The following MCTP2 variants were observed in gnomAD, a reference collection of about 807,000 sequenced individuals.
MCTP2 encodes the protein multiple C2 and transmembrane domain containing 2.
In MCTP2, 132 loss-of-function variants were observed where a neutral mutation model predicts 111.6. The observed-to-expected ratio is 1.18, with a 90% CI of 1.03 to 1.37. MCTP2 has a LOEUF of 1.37. Among genes scored for constraint, MCTP2 ranks in the 40% most tolerant of loss-of-function variants. The pLI is 0.00. For synonymous variants in MCTP2, 395 were observed against 387.7 expected, an observed-to-expected ratio of 1.02 and a Z score of -0.22; for missense variants, 1,183 against 1,067.9, an observed-to-expected ratio of 1.11 and a Z score of -1.50.
intron 12 of MCTP2, among the ~76,000 whole-genome samples, chr15:94,378,276 C>CT (rs746345180): frequency 4.0e-5 from 6 of 151,870 alleles, no homozygotes; most frequent in Non-Finnish European, 8.8e-5. Flanking sequence ...AATTTCAACA[C>CT]TTTAAGAGGA....
At chr15:94,424,048 G>A (rs1432473691) in intron 17 of MCTP2, among the ~76,000 whole-genome samples, 1 of 152,056 alleles carries the variant, frequency 6.6e-6, no homozygotes, top group Non-Finnish European at 1.5e-5. Context: ...GTCACTCACT[G>A]TCAATTGTGG....
chr15:94,426,406 A>G (rs2082894774), intron 17 of MCTP2, among the ~76,000 whole-genome samples: 1 of 152,032 alleles, frequency 6.6e-6, no homozygotes, highest in African/African-American at 2.4e-5. Flanking sequence ...CTCTACTTGA[A>G]GTGTAGATAT....
chr15:94,310,292 G>A (rs1013723779), intron 2 of MCTP2, among the ~76,000 whole-genome samples: 1 of 152,116 alleles, frequency 6.6e-6, no homozygotes, highest in African/African-American at 2.4e-5. Flanking sequence ...ACAATTACTT[G>A]CCATGGTTCT....
At chr15:94,464,602 G>A (rs2073110687) in intron 20 of MCTP2, among the ~76,000 whole-genome samples, 1 of 151,744 alleles carries the variant, frequency 6.6e-6, no homozygotes, top group South Asian at 2.1e-4. Context: ...TGGATAATTA[G>A]ATCACTTATT....
chr15:94,300,997 A>G (rs1260663765), intron 2 of MCTP2, among the ~76,000 whole-genome samples: 1 of 152,056 alleles, frequency 6.6e-6, no homozygotes, highest in Non-Finnish European at 1.5e-5. Flanking sequence ...TGGGTTGGCT[A>G]TTTTATCTTC....
At chr15:94,247,787 A>G (rs1204043920) in intron 1 of MCTP2, among the ~76,000 whole-genome samples, 1 of 152,214 alleles carries the variant, frequency 6.6e-6, no homozygotes, top group Non-Finnish European at 1.5e-5. Context: ...GAAGCTCTTT[A>G]GGTTGATGAA....
chr15:94,344,324 A>AT (rs1268509387), intron 7 of MCTP2, among the ~76,000 whole-genome samples: 4 of 152,170 alleles, frequency 2.6e-5, no homozygotes, highest in Admixed American at 1.3e-4. Flanking sequence ...ACCTAAAGGT[A>AT]TTTTTTTCTT....
intron 4 of MCTP2, among the ~76,000 whole-genome samples, chr15:94,319,037 G>GTTT (rs35821375): frequency 6.8e-6 from 1 of 146,468 alleles, no homozygotes. Context: ...ATTGTTCTTG[G>GTTT]TTTTTTTTTT....
At chr15:94,366,404 T>A (rs892532709) in intron 10 of MCTP2, among the ~76,000 whole-genome samples, 8 of 152,324 alleles carry the variant, frequency 5.3e-5, no homozygotes, top group Admixed American at 2.0e-4. Flanking sequence ...TATTTTAAAA[T>A]CTTGTAATAA....
chr15:94,478,169 T>G (rs548098381), intron 22 of MCTP2, among the ~76,000 whole-genome samples: 4 of 152,338 alleles, frequency 2.6e-5, no homozygotes, highest in Middle Eastern at 3.4e-3. Context: ...TACCATCACT[T>G]GGGTCGCAGT....
chr15:94,379,323 T>A (rs796510532), intron 12 of MCTP2, among the ~76,000 whole-genome samples: 2 of 152,234 alleles, frequency 1.3e-5, no homozygotes, highest in African/African-American at 4.8e-5. Context: ...TTTCCAGAAC[T>A]GATCAATTAA....
At chr15:94,312,789 A>G (rs2076206541) in intron 2 of MCTP2, among the ~76,000 whole-genome samples, 1 of 152,130 alleles carries the variant, frequency 6.6e-6, no homozygotes, top group Admixed American at 6.6e-5. Context: ...CACTGCATGC[A>G]GAGGCAGTGG....
chr15:94,461,197 C>T (rs2085183434), intron 20 of MCTP2, among the ~76,000 whole-genome samples: 1 of 152,162 alleles, frequency 6.6e-6, no homozygotes, highest in Non-Finnish European at 1.5e-5. Context: ...CGGTGGCTCA[C>T]ATCTGTAATC....
intron 1 of MCTP2, among the ~76,000 whole-genome samples, chr15:94,291,189 C>G (rs2075013229): frequency 6.6e-6 from 1 of 152,120 alleles, no homozygotes; most frequent in Non-Finnish European, 1.5e-5. Flanking sequence ...CTGGTCATAA[C>G]TGAGTTAAAC....
At chr15:94,376,550 T>C (rs2152445381) in intron 12 of MCTP2, among the ~76,000 whole-genome samples, 1 of 152,318 alleles carries the variant, frequency 6.6e-6, no homozygotes, top group African/African-American at 2.4e-5. Context: ...ACGTGCCTGA[T>C]ATATATTTTG....
At chr15:94,477,136 GTTGC>G (rs1400393153) in intron 22 of MCTP2, among the ~76,000 whole-genome samples, 2 of 152,166 alleles carry the variant, frequency 1.3e-5, no homozygotes, top group African/African-American at 4.8e-5. Context: ...CCCAGGGAGT[GTTGC>G]TTATTTTCTT....
chr15:94,258,777 C>T (rs2073007164), intron 1 of MCTP2, among the ~76,000 whole-genome samples: 1 of 152,108 alleles, frequency 6.6e-6, no homozygotes, highest in Non-Finnish European at 1.5e-5. Context: ...AGGGAGAAAA[C>T]AAATTCTTTT....
intron 18 of MCTP2, among the ~76,000 whole-genome samples, chr15:94,441,784 C>T (rs1324319269): frequency 2.6e-5 from 4 of 152,146 alleles, no homozygotes; most frequent in Admixed American, 2.6e-4. Flanking sequence ...AAGACTTCTC[C>T]CAATTATAGC....
chr15:94,290,390 C>T (rs80326642), intron 1 of MCTP2, among the ~76,000 whole-genome samples: 2,403 of 152,190 alleles, frequency 0.016, 57 homozygotes, highest in African/African-American at 0.05. Flanking sequence ...ACCGTAACCC[C>T]TAGAATAATC....
Sources: gnomAD v4.1 joint callset for allele counts (sites outside exome capture counted in the v4.1 genomes callset) on GRCh38, gnomAD v4.1.1 for gene constraint, MANE v1.5 for transcripts, NCBI Gene and HGNC (gene_info 2026-07-23, HGNC 2026-07-21) for gene names.